Variants in NRG2 observed in about 807,000 individuals in gnomAD.
NRG2 encodes neuregulin 2, also known as pro-neuregulin-2, membrane-bound isoform.
NRG2 carries 27 observed loss-of-function variants against 73.9 expected under a neutral mutation model. The ratio of observed to expected loss-of-function variants is 0.37; its 90% CI spans 0.27 to 0.50. NRG2 has a LOEUF of 0.50. Ranked by LOEUF, NRG2 falls within the 20% of genes least tolerant of loss-of-function variation. The pLI is 0.96. For synonymous variants in NRG2, 532 were observed against 541.0 expected (o/e 0.98, Z 0.23); for missense variants, 1,126 against 1,210.1 (o/e 0.93, Z 1.03).
chr5:140,021,950 A>G (rs538497786), intron 1 of NRG2, among the ~76,000 whole-genome samples: 1 of 152,132 alleles, frequency 6.6e-6, no homozygotes, highest in African/African-American at 2.4e-5. Context: ...AGAATCAACA[A>G]TCCCTTCCTT....
intron 1 of NRG2, among the ~76,000 whole-genome samples, chr5:139,995,771 C>T (rs575752057): frequency 7.4e-4 from 112 of 152,182 alleles, no homozygotes; most frequent in Middle Eastern, 3.4e-3. Flanking sequence ...CCCAGTGCTT[C>T]GGGAGGCTGA....
Position 139,887,507 on chromosome 5 carries a change from G to T in NRG2, c.705C>A (p.Thr235=). Residue 235 remains threonine (T), a synonymous_variant, in exon 2 of 10, where the codon ACC becomes ACA. Transcript: ENST00000361474. This position sits in a 1 kb window ranked among gnomAD's most constrained non-coding sequence, Gnocchi z 4.5. Reference sequence around the variant, plus strand: ...TCTTCATCTTCTTCAACTTGGGCCGGGTGGCTGTGGGTTACAAGGCAGGTA... The same window carrying T: ...TCTTCATCTTCTTCAACTTGGGCCGTGTGGCTGTGGGTTACAAGGCAGGTA... ...VGKILCTDCA[T]RPKLKKMKSQ... The T allele has an allele frequency of 1.2e-6, 2 of 1,613,940 alleles. No homozygotes were observed. The highest frequency in any genetic ancestry group is 1.1e-5 in the South Asian group (1 of 91,010).
chr5:139,854,148 C>G (rs1326126703), intron 6 of NRG2, among the ~76,000 whole-genome samples: 2 of 152,222 alleles, frequency 1.3e-5, no homozygotes, highest in African/African-American at 4.8e-5. Flanking sequence ...AGCCCTGTCT[C>G]TCTCTGCCCA....
intron 1 of NRG2, among the ~76,000 whole-genome samples, chr5:139,928,323 G>A (rs1297432808): frequency 6.6e-6 from 1 of 152,156 alleles, no homozygotes. Context: ...AATATAGTGT[G>A]TCACCTTCTT....
rs916965086 is a variant in NRG2 at position 139,848,379 on chromosome 5, C to A, written c.2091G>T (p.Leu697=). The stretch of plus-strand genomic sequence containing the variant: ...GGAAGGGGCTGGCAGGCAGGCTGCC[C>A]AGGCTGCCGCCGAGCGCGCAGGTCC... The part of the protein sequence containing the change: ...RRGTCALGGS[L]GSLPASPFRI... The change falls in exon 10 of 10, where the codon CTG becomes CTT. Residue 697 remains leucine (L), a synonymous_variant. Coordinates refer to ENST00000361474, the MANE Select transcript of NRG2 (RefSeq NM_004883.3). 7.0e-5 allele frequency: 87 copies of A among 1,249,700 alleles called. No homozygotes were observed. In the African/African-American group the frequency reaches 1.3e-3, roughly 19 times the overall value. 77.4% of individuals were successfully genotyped at this position (1,249,700 alleles called of 1,614,324 possible).
chr5:139,950,851 C>T (rs144069785), intron 1 of NRG2, among the ~76,000 whole-genome samples: 64 of 152,338 alleles, frequency 4.2e-4, no homozygotes, highest in African/African-American at 1.2e-3. Context: ...ATGATCACTG[C>T]CGCCATTTCA....
chr5:140,041,471 G>A (rs1055844846), intron 1 of NRG2, among the ~76,000 whole-genome samples: 8 of 152,150 alleles, frequency 5.3e-5, no homozygotes, highest in African/African-American at 1.7e-4. Flanking sequence ...CCCAGCTGCA[G>A]AGATCTACAG....
At chr5:139,961,331 G>A (rs951037730) in intron 1 of NRG2, among the ~76,000 whole-genome samples, 1 of 151,914 alleles carries the variant, frequency 6.6e-6, no homozygotes, top group African/African-American at 2.4e-5. Flanking sequence ...CTGTCTCTCT[G>A]AGAATTTCAG....
chr5:139,969,513 G>C (rs1490948496), intron 1 of NRG2, among the ~76,000 whole-genome samples: 2 of 152,218 alleles, frequency 1.3e-5, no homozygotes, highest in Non-Finnish European at 2.9e-5. Flanking sequence ...AAGCAAGGCA[G>C]GATCTCTAGT....
chr5:140,040,984 ATAGT>A (rs1761870801), intron 1 of NRG2, among the ~76,000 whole-genome samples: 1 of 152,186 alleles, frequency 6.6e-6, no homozygotes, highest in South Asian at 2.1e-4. Context: ...ACAGTTTAAC[ATAGT>A]TAGTGTCTAG....
intron 5 of NRG2, chr5:139,860,027 C>G: frequency 9.5e-7 from 1 of 1,051,838 alleles, no homozygotes; most frequent in Admixed American, 2.0e-5. Context: ...CCTCAGACAC[C>G]GGGCAGCCAT....
intron 1 of NRG2, among the ~76,000 whole-genome samples, chr5:139,989,899 C>T (rs1757456776): frequency 6.6e-6 from 1 of 151,634 alleles, no homozygotes. Flanking sequence ...TGCCATTCTC[C>T]TGCCTCAGCC....
chr5:139,981,705 C>G lies in NRG2; in HGVS notation c.700+60665G>C, dbSNP rs1756813786. Among the ~76,000 whole-genome samples the G allele has an allele frequency of 3.3e-5, 5 of 152,224 alleles. No individual in the cohort carries two copies. The South Asian group carries it at 1.0e-3, about 32-fold the overall frequency. Reference sequence around the variant, plus strand: ...GGAGCACCATGAGGAAGACCCAGTTCAGCATTAGAGGCTCCAGGCTGCCAG... The same window carrying G: ...GGAGCACCATGAGGAAGACCCAGTTGAGCATTAGAGGCTCCAGGCTGCCAG... On this transcript the variant is annotated intron_variant, in intron 1 of 9. Transcript: ENST00000361474.
At chr5:139,996,284 A>G (rs931536836) in intron 1 of NRG2, among the ~76,000 whole-genome samples, 2 of 152,214 alleles carry the variant, frequency 1.3e-5, no homozygotes, top group African/African-American at 4.8e-5. Flanking sequence ...TTTGATGTCA[A>G]TAAATAAACT....
At chr5:140,007,330 A>G (rs1006726042) in intron 1 of NRG2, among the ~76,000 whole-genome samples, 1 of 152,108 alleles carries the variant, frequency 6.6e-6, no homozygotes, top group Non-Finnish European at 1.5e-5. Flanking sequence ...ACAGGCAGTT[A>G]ACAGACCCCA....
At chr5:139,940,058 G>A (rs1278797987) in intron 1 of NRG2, among the ~76,000 whole-genome samples, 1 of 152,192 alleles carries the variant, frequency 6.6e-6, no homozygotes, top group Non-Finnish European at 1.5e-5. Context: ...GGTAGTTTCT[G>A]AAAATATTAA....
At chr5:139,848,745 CGGGGGAGG>C in intron 9 of NRG2, 48 bp from the exon 10 acceptor site, 8 of 63,884 alleles carry the variant, frequency 1.3e-4, no homozygotes, top group Non-Finnish European at 1.5e-4. Context: ...CGGGCCGGCG[CGGGGGAGG>C]GGGGGTTGGG....
intron 1 of NRG2, among the ~76,000 whole-genome samples, chr5:139,922,054 G>C (rs796441400): frequency 7.3e-6 from 1 of 136,958 alleles, no homozygotes; most frequent in South Asian, 2.5e-4. Context: ...CTGGGTGACA[G>C]AGCGAGATTC....
At chr5:139,942,822 G>A (rs1352962772) in intron 1 of NRG2, among the ~76,000 whole-genome samples, 2 of 152,164 alleles carry the variant, frequency 1.3e-5, no homozygotes, top group African/African-American at 4.8e-5. Context: ...TGGAAAATTA[G>A]TTTGATGTAG....
Sources: allele counts gnomAD v4.1 joint callset (sites outside exome capture counted in the v4.1 genomes callset), GRCh38; gene constraint gnomAD v4.1.1; non-coding constraint Gnocchi (gnomAD v3.1); transcripts MANE v1.5; gene names NCBI Gene and HGNC (gene_info 2026-07-23, HGNC 2026-07-21).